Variants in LYRM4 observed in about 807,000 individuals in gnomAD.
The protein encoded by LYRM4 is LYR motif-containing protein 4.
A neutral mutation model predicts 11.7 loss-of-function variants in LYRM4; 9 were observed. The ratio of observed to expected loss-of-function variants is 0.77; its 90% CI spans 0.46 to 1.34. The LOEUF is 1.34. LYRM4 is among the 40% of genes most tolerant of loss of function. LYRM4 has a pLI of 0.00. For synonymous variants in LYRM4, 42 were observed against 40.4 expected (o/e 1.04, Z -0.15); for missense variants, 133 against 112.5 (o/e 1.18, Z -0.82).
chr6:5,165,101 T>C (rs150789692), intron 2 of LYRM4, among the ~76,000 whole-genome samples: 2 of 152,310 alleles, frequency 1.3e-5, no homozygotes, highest in East Asian at 1.9e-4. Context: ...CCTCCTATCA[T>C]GCTGAATTCT....
At chr6:5,104,473 C>T (rs966504718), downstream of LYRM4, 15 of 152,120 alleles carry the variant, frequency 9.9e-5, no homozygotes, top group African/African-American at 3.1e-4. Context: ...CAGGGTTTCA[C>T]TATGTTGCCC....
intron 2 of LYRM4, among the ~76,000 whole-genome samples, chr6:5,169,464 T>G (rs889336106): frequency 1.3e-5 from 2 of 152,136 alleles, no homozygotes; most frequent in Non-Finnish European, 1.5e-5. Flanking sequence ...GCCAAGAGTA[T>G]AGTCAAATAA....
At chr6:5,079,201 TAAAAC>T in the LYRM4 span, among the ~76,000 whole-genome samples, 13 of 152,078 alleles carry the variant, frequency 8.5e-5, no homozygotes, top group African/African-American at 2.7e-4. Flanking sequence ...GGAGATGTAA[TAAAAC>T]AAAGGAAAAA....
At chr6:5,183,436 G>A (rs1340302606) in intron 2 of LYRM4, among the ~76,000 whole-genome samples, 1 of 152,124 alleles carries the variant, frequency 6.6e-6, no homozygotes, top group African/African-American at 2.4e-5. Context: ...GCATTAAATG[G>A]TAACTGCTAT....
chr6:5,157,316 G>C (rs1758471126), intron 2 of LYRM4, among the ~76,000 whole-genome samples: 1 of 152,122 alleles, frequency 6.6e-6, no homozygotes, highest in Admixed American at 6.5e-5. Context: ...TAAGGACTTA[G>C]GTATCTGTGA....
downstream of LYRM4, chr6:5,106,750 G>A (rs1762675513): frequency 6.6e-6 from 1 of 152,228 alleles, no homozygotes; most frequent in African/African-American, 2.4e-5. Context: ...TGCCTGGGAA[G>A]TTAACTAATG....
intron 1 of LYRM4, among the ~76,000 whole-genome samples, chr6:5,246,890 A>C (rs967615057): frequency 6.6e-6 from 1 of 152,144 alleles, no homozygotes; most frequent in Non-Finnish European, 1.5e-5. Flanking sequence ...AATTGAAACC[A>C]CGGAATGTGA....
chr6:5,098,861 T>C (rs985308029), downstream of LYRM4, among the ~76,000 whole-genome samples: 9 of 152,212 alleles, frequency 5.9e-5, no homozygotes, highest in African/African-American at 2.2e-4. Flanking sequence ...GCCACTTTCC[T>C]GGATGACTTT....
the LYRM4 span, among the ~76,000 whole-genome samples, chr6:5,046,485 C>T: frequency 6.6e-6 from 1 of 152,204 alleles, no homozygotes; most frequent in Non-Finnish European, 1.5e-5. Context: ...GTGATTTGCA[C>T]TCGGAGTCTC....
In LYRM4 at chr6:5,154,248, ATTAAG is replaced by A. The variant is rs559078900; in HGVS notation, c.208-44762_208-44758del. The stretch of plus-strand genomic sequence containing the variant: ...TTACAAGTTCATAAAATATTAGCCT[ATTAAG>A]TTAACATAAAAATGTAATGCAGTAG... On this transcript the variant is annotated intron_variant, in intron 2 of 2. Coordinates refer to ENST00000330636, the MANE Select transcript of LYRM4 (RefSeq NM_020408.6). Among the ~76,000 whole-genome samples, 185 of 152,332 alleles carry A rather than the reference ATTAAG, an allele frequency of 1.2e-3. 1 individual carries two copies. The highest frequency in any genetic ancestry group is 4.2e-3 in the African/African-American group (174 of 41,568).
At chr6:5,033,844 A>G in the LYRM4 span, 2 of 152,386 alleles carry the variant, frequency 1.3e-5, no homozygotes, top group African/African-American at 4.8e-5. Context: ...ATGTGTTTGT[A>G]AACCAAATCA....
the LYRM4 span, among the ~76,000 whole-genome samples, chr6:5,070,712 C>A: frequency 1.3e-5 from 2 of 151,172 alleles, no homozygotes; most frequent in Non-Finnish European, 2.9e-5. Flanking sequence ...ACCATCTATA[C>A]CAAAGGAAAA....
At chr6:5,116,916 A>G (rs1162201762) in intron 2 of LYRM4, among the ~76,000 whole-genome samples, 1 of 152,222 alleles carries the variant, frequency 6.6e-6, no homozygotes, top group African/African-American at 2.4e-5. Context: ...GAAGCAATGC[A>G]CAGCCATCCC....
At chr6:5,158,334 AT>A (rs1758540015) in intron 2 of LYRM4, among the ~76,000 whole-genome samples, 1 of 152,208 alleles carries the variant, frequency 6.6e-6, no homozygotes, top group African/African-American at 2.4e-5. Context: ...GGCAATAAAA[AT>A]TTACACTGAA....
intron 1 of LYRM4, chr6:5,218,281 A>C (rs1762392161): frequency 1.0e-6 from 1 of 985,236 alleles, no homozygotes; most frequent in African/African-American, 1.7e-5. Context: ...ATGTGATGCC[A>C]GTAGTAATAT....
chr6:5,069,954 T>C, the LYRM4 span, among the ~76,000 whole-genome samples: 1 of 152,202 alleles, frequency 6.6e-6, no homozygotes, highest in African/African-American at 2.4e-5. Context: ...AGTTAATCAA[T>C]GGAAGCACCA....
At chr6:5,234,347 C>T (rs1357457104) in intron 1 of LYRM4, among the ~76,000 whole-genome samples, 1 of 152,248 alleles carries the variant, frequency 6.6e-6, no homozygotes, top group Admixed American at 6.5e-5. Flanking sequence ...CACGGGGCAG[C>T]TCCCTTCACT....
intron 2 of LYRM4, among the ~76,000 whole-genome samples, chr6:5,210,689 C>T (rs1474029847): frequency 6.6e-6 from 1 of 152,124 alleles, no homozygotes; most frequent in Non-Finnish European, 1.5e-5. Context: ...CTCCTCCAGC[C>T]CCTGTTATTC....
At chr6:5,162,898 G>T (rs564085893) in intron 2 of LYRM4, among the ~76,000 whole-genome samples, 1 of 152,192 alleles carries the variant, frequency 6.6e-6, no homozygotes, top group South Asian at 2.1e-4. Flanking sequence ...ATCTGGATAT[G>T]GCCTTTTGTA....
Sources: gnomAD v4.1 joint callset for allele counts (sites outside exome capture counted in the v4.1 genomes callset) on GRCh38, gnomAD v4.1.1 for gene constraint, MANE v1.5 for transcripts, NCBI Gene and HGNC (gene_info 2026-07-23, HGNC 2026-07-21) for gene names.